The following RGMA variants were observed in gnomAD, a reference collection of about 807,000 sequenced individuals.
The protein encoded by RGMA is repulsive guidance molecule BMP co-receptor a.
A neutral mutation model predicts 23.2 loss-of-function variants in RGMA; 10 were observed. That is an observed-to-expected ratio of 0.43 (90% CI 0.27 to 0.73). The LOEUF is 0.73. Ranked by LOEUF, RGMA falls within the 30% of genes least tolerant of loss-of-function variation. The pLI, the probability that RGMA is intolerant of heterozygous loss-of-function variation, is 0.20. For missense variants in RGMA, 547 were observed against 630.5 expected (o/e 0.87, Z 1.42); for synonymous variants, 308 against 279.3 (o/e 1.10, Z -1.03).
At chr15:93,066,623 C>A in intron 2 of RGMA, 1 of 447,080 alleles carries the variant, frequency 2.2e-6, no homozygotes. Flanking sequence ...GGACTGCCGT[C>A]ACCACCGCCG....
intron 1 of RGMA, chr15:93,088,637 C>A: frequency 1.0e-6 from 1 of 981,126 alleles, no homozygotes; most frequent in Non-Finnish European, 1.3e-6. Context: ...AGCCCGCACA[C>A]GGTGTAAGGG....
rs35398061 is a variant in RGMA at position 93,088,407 on chromosome 15, A to G, written c.14+512T>C. The G allele has an allele frequency of 1.7e-3, 1,677 of 985,650 alleles. 4 individuals are homozygous for G. The highest frequency in any genetic ancestry group is 2.1e-3 in the Middle Eastern group (4 of 1,912). 61.1% of individuals were successfully genotyped at this position (985,650 alleles called of 1,614,324 possible). On this transcript the variant is annotated intron_variant, in intron 1 of 3. Coordinates refer to ENST00000329082, the MANE Select transcript of RGMA (RefSeq NM_020211.3). ...CAATCCAAGGTCCGCACCTTCCCGT[A>G]CGCCGGCGCGCCGAGGCAAAGGGCC... is the stretch of plus-strand genomic sequence containing the variant.
chr15:93,082,691 T>TAAAAAAA (rs1377461050), intron 1 of RGMA, among the ~76,000 whole-genome samples: 1 of 152,210 alleles, frequency 6.6e-6, no homozygotes, highest in Non-Finnish European at 1.5e-5. Flanking sequence ...AAAAACTTTT[T>TAAAAAAA]AAGAAGAGAA....
intron 3 of RGMA, among the ~76,000 whole-genome samples, chr15:93,046,553 C>T (rs537664851): frequency 3.9e-5 from 6 of 152,202 alleles, no homozygotes; most frequent in Non-Finnish European, 7.4e-5. Flanking sequence ...GACAGTGGTA[C>T]TGGAGCACAA....
intron 2 of RGMA, among the ~76,000 whole-genome samples, chr15:93,064,218 G>T (rs1895066643): frequency 1.3e-5 from 2 of 152,230 alleles, no homozygotes; most frequent in Admixed American, 1.3e-4. Flanking sequence ...GCTGGCAAGG[G>T]CTGGACACAG....
At chr15:93,088,677 G>C in intron 1 of RGMA, 1 of 859,350 alleles carries the variant, frequency 1.2e-6, no homozygotes, top group Non-Finnish European at 1.6e-6. Context: ...AACCACGCGC[G>C]CTGGCGGCTG....
At chr15:93,085,662 CT>C (rs1393805202) in intron 1 of RGMA, among the ~76,000 whole-genome samples, 2 of 152,204 alleles carry the variant, frequency 1.3e-5, no homozygotes, top group African/African-American at 2.4e-5. Context: ...TGACTTAAAA[CT>C]TTTTATATGA....
chr15:93,070,129 G>C (rs1311978132), intron 2 of RGMA, among the ~76,000 whole-genome samples: 3 of 152,198 alleles, frequency 2.0e-5, no homozygotes, highest in Non-Finnish European at 4.4e-5. Context: ...TGAGGGGCTT[G>C]GTTAGAAGGC....
intron 2 of RGMA, among the ~76,000 whole-genome samples, chr15:93,060,123 G>A (rs148687375): frequency 8.8e-4 from 134 of 152,298 alleles, no homozygotes; most frequent in Non-Finnish European, 2.9e-4. Context: ...AATACACACA[G>A]AACCAGGGGA....
At position 93,083,826 on chromosome 15, in the gene RGMA, G is replaced by A. The variant is rs548120683; in HGVS notation, c.14+5093C>T. ...GGAATGCCATCATGAACTTCGTAAC[G>A]TCTACAGGTGAGCCCAGCCTCTAAG... is the stretch of plus-strand genomic sequence containing the variant. On this transcript the variant is annotated intron_variant, in intron 1 of 3. Coordinates refer to ENST00000329082, the MANE Select transcript of RGMA (RefSeq NM_020211.3). Among the ~76,000 whole-genome samples the A allele has an allele frequency of 7.2e-5, 11 of 152,296 alleles. 1 individual carries two copies. The highest frequency in any genetic ancestry group is 2.2e-4 in the African/African-American group (9 of 41,536).
intron 2 of RGMA, among the ~76,000 whole-genome samples, chr15:93,057,467 A>T (rs996680625): frequency 6.6e-6 from 1 of 152,196 alleles, no homozygotes; most frequent in African/African-American, 2.4e-5. Flanking sequence ...AGAAGTCCAC[A>T]GTCTGAGAGC....
At chr15:93,077,263 A>T (rs962083987) in intron 1 of RGMA, among the ~76,000 whole-genome samples, 11 of 152,318 alleles carry the variant, frequency 7.2e-5, no homozygotes, top group Middle Eastern at 3.4e-3. Flanking sequence ...TTGGGAGACC[A>T]CTGTGGGAGA....
intron 3 of RGMA, among the ~76,000 whole-genome samples, chr15:93,049,949 C>T (rs1469406264): frequency 6.6e-6 from 1 of 152,182 alleles, no homozygotes; most frequent in Non-Finnish European, 1.5e-5. Flanking sequence ...AGATGAAAGT[C>T]CCTTGCCTTT....
chr15:93,059,848 A>G (rs1370611191), intron 2 of RGMA, among the ~76,000 whole-genome samples: 1 of 152,232 alleles, frequency 6.6e-6, no homozygotes. Flanking sequence ...TATCTTTATA[A>G]AAAGACCCCA....
intron 2 of RGMA, among the ~76,000 whole-genome samples, chr15:93,054,975 G>A (rs1280809358): frequency 6.6e-6 from 1 of 152,168 alleles, no homozygotes; most frequent in Admixed American, 6.5e-5. Flanking sequence ...TGGTGGGGGC[G>A]TGTATGGGGA....
chr15:93,073,145 GGCGCCCGGCGCGCTCCCCTTCCCGCGCC>G, intron 1 of RGMA, 114 bp from the exon 2 acceptor site: 1 of 1,260,710 alleles, frequency 7.9e-7, no homozygotes, highest in African/African-American at 1.6e-5. Flanking sequence ...CTCGGCCGCG[GGCGCCCGGCGCGCTCCCCTTCCCGCGCC>G]GCCCCCCGCG....
In RGMA at chr15:93,036,072, A is replaced by G. The variant is rs1027798215; in HGVS notation, c.*8926T>C. On this transcript the variant is annotated 3_prime_UTR_variant, in exon 4 of 4. Transcript: ENST00000329082. ...AACTCGTGTTGTTACATATGTAAGT[A>G]TGATTACACGTGTAATCACACATGT... The G allele has an allele frequency of 6.6e-6, 1 of 152,222 alleles. No individual in the cohort carries two copies. Among genetic ancestry groups the G allele is most frequent in the Non-Finnish European group, 1.5e-5 (1 of 68,042 alleles). The allele number at this position is 152,222 out of a possible 1,614,324, so 9.4% of individuals were successfully genotyped here.
chr15:93,078,292 A>T (rs1474328072), intron 1 of RGMA, among the ~76,000 whole-genome samples: 1 of 152,192 alleles, frequency 6.6e-6, no homozygotes, highest in Non-Finnish European at 1.5e-5. Context: ...CCAACCTCGC[A>T]AGCGTAGGGA....
Position 93,047,434 on chromosome 15 carries a change from A to C in RGMA, c.646-1729T>G, listed in dbSNP as rs118179645. On this transcript the variant is annotated intron_variant, in intron 3 of 3. Transcript: ENST00000329082. The stretch of plus-strand genomic sequence containing the variant: ...TGAAGCCACGAAGGGAGGTGGGGCA[A>C]AGGGGACAAGGTGGCACCCAGGCCT... 3.9e-3 allele frequency among the ~76,000 whole-genome samples: 590 copies of C among 152,236 alleles called. 2 individuals are homozygous for C. Among genetic ancestry groups the C allele is most frequent in the Non-Finnish European group, 7.1e-3 (485 of 67,994 alleles).
Sources: allele counts gnomAD v4.1 joint callset (sites outside exome capture counted in the v4.1 genomes callset), GRCh38; gene constraint gnomAD v4.1.1; transcripts MANE v1.5; gene names NCBI Gene and HGNC (gene_info 2026-07-23, HGNC 2026-07-21).